DPYS: variants seen among roughly 807,000 people sequenced by gnomAD.
The protein encoded by DPYS is dihydropyrimidinase, also known as dihydropyrimidine amidohydrolase.
Under a neutral mutation model 50.3 loss-of-function variants are expected in DPYS, and 39 were observed. The observed-to-expected ratio is 0.78, with a 90% CI of 0.60 to 1.01. The LOEUF is 1.01. DPYS is among the 50% of genes least tolerant of loss of function. The pLI, the probability that DPYS is intolerant of heterozygous loss-of-function variation, is 0.00. For missense variants in DPYS, 659 were observed against 680.9 expected (o/e 0.97, Z 0.36); for synonymous variants, 245 against 250.7 (o/e 0.98, Z 0.22).
At chr8:104,458,064 G>A (rs1449909061) in intron 1 of DPYS, among the ~76,000 whole-genome samples, 1 of 152,218 alleles carries the variant, frequency 6.6e-6, no homozygotes, top group East Asian at 1.9e-4. Context: ...AAGGAAGAGG[G>A]CCATAAAGAG....
At chr8:104,462,283 G>C (rs1465309607) in intron 1 of DPYS, among the ~76,000 whole-genome samples, 1 of 152,114 alleles carries the variant, frequency 6.6e-6, no homozygotes, top group Non-Finnish European at 1.5e-5. Flanking sequence ...GCCCAGCCGG[G>C]AGCTCTGGCA....
intron 8 of DPYS, among the ~76,000 whole-genome samples, chr8:104,386,448 G>C (rs1013462450): frequency 1.3e-5 from 2 of 151,410 alleles, no homozygotes; most frequent in African/African-American, 4.9e-5. Context: ...CAGGAGAATT[G>C]CTTGAACCCA....
At chr8:104,415,010 G>C (rs1317272536) in intron 7 of DPYS, among the ~76,000 whole-genome samples, 1 of 152,202 alleles carries the variant, frequency 6.6e-6, no homozygotes, top group Non-Finnish European at 1.5e-5. Flanking sequence ...AAGGGGGGAA[G>C]AATGTAAAAC....
At chr8:104,381,852 T>TCACACACACACACACACACACACACA (rs59581374) in intron 8 of DPYS, among the ~76,000 whole-genome samples, 40 of 123,950 alleles carry the variant, frequency 3.2e-4, no homozygotes, top group African/African-American at 8.3e-4. Flanking sequence ...AGTTTTGAAA[T>TCACACACACACACACACACACACACA]CACACACACA....
chr8:104,438,504 C>T (rs1271497851), intron 4 of DPYS, among the ~76,000 whole-genome samples: 1 of 152,158 alleles, frequency 6.6e-6, no homozygotes, highest in Non-Finnish European at 1.5e-5. Context: ...TTGGAAATTG[C>T]TTCTCTGAGA....
intron 5 of DPYS, chr8:104,429,340 G>C (rs1349314666): frequency 2.7e-5 from 16 of 600,848 alleles, no homozygotes; most frequent in African/African-American, 5.6e-5. Flanking sequence ...TGATTTCTGA[G>C]AGTCTAGGAA....
intron 7 of DPYS, among the ~76,000 whole-genome samples, chr8:104,401,151 A>G (rs1215988175): frequency 2.6e-5 from 4 of 152,220 alleles, no homozygotes; most frequent in Admixed American, 6.5e-5. Context: ...ATGAGAAACA[A>G]AAAAAGTTAA....
At chr8:104,426,761 T>C (rs942857683) in intron 6 of DPYS, among the ~76,000 whole-genome samples, 3 of 152,258 alleles carry the variant, frequency 2.0e-5, no homozygotes, top group African/African-American at 7.2e-5. Flanking sequence ...AGTTAACACA[T>C]AGACATTTAG....
chr8:104,462,012 T>G (rs1032689566), intron 1 of DPYS, among the ~76,000 whole-genome samples: 1 of 152,196 alleles, frequency 6.6e-6, no homozygotes, highest in Non-Finnish European at 1.5e-5. Context: ...ATTTAAATAT[T>G]ATTTTTCTTT....
In DPYS at chr8:104,447,378, C is replaced by T. The variant is rs769977485; in HGVS notation, c.549G>A (p.Lys183=). ...LELYEAFSRC[K]EIGAIAQVHA... ...GGACCTGGGCAATTGCTCCAATTTC[C>T]TTGCACCGAGAGAAGGCTTCGTACA... The change falls in exon 3 of 10, where the codon AAG becomes AAA. Residue 183 remains lysine, a synonymous_variant. Transcript: ENST00000351513. 6.2e-7 allele frequency: 1 copy of T among 1,614,076 alleles called. No homozygotes were observed. Among genetic ancestry groups the T allele is most frequent in the Non-Finnish European group, 8.5e-7 (1 of 1,180,012 alleles).
intron 6 of DPYS, among the ~76,000 whole-genome samples, chr8:104,424,929 C>A (rs1348834744): frequency 1.3e-5 from 2 of 148,656 alleles, no homozygotes; most frequent in Non-Finnish European, 3.0e-5. Flanking sequence ...CAGGTTCAAG[C>A]GATTCTCCTG....
chr8:104,418,972 A>G, intron 7 of DPYS: 1 of 981,478 alleles, frequency 1.0e-6, no homozygotes, highest in Non-Finnish European at 1.2e-6. Context: ...GAATTTGTGA[A>G]TGAAGGAACA....
chr8:104,423,976 G>A, intron 7 of DPYS: 1 of 985,122 alleles, frequency 1.0e-6, no homozygotes, highest in Non-Finnish European at 1.2e-6. Flanking sequence ...TCGGGCATTT[G>A]CCAGGCACTG....
chr8:104,379,653 C>T lies in DPYS; in HGVS notation c.*205G>A, dbSNP rs146388435. ...CCATCACAATAATATAAATTTATAC[C>T]TTCAATCTTATGCAGCAACAAAAAC... On this transcript the variant is annotated 3_prime_UTR_variant, in exon 10 of 10. Coordinates refer to ENST00000351513, the MANE Select transcript of DPYS (RefSeq NM_001385.3). 158 of 330,714 alleles carry T rather than the reference C, an allele frequency of 4.8e-4. 1 individual carries two copies. The highest frequency in any genetic ancestry group is 8.6e-4 in the Non-Finnish European group (142 of 165,096). The allele number at this position is 330,714 out of a possible 1,614,324, so 20.5% of individuals were successfully genotyped here. A position where few individuals can be genotyped will look rare whatever the true frequency, so the allele number is the denominator to read the frequency against.
At chr8:104,382,867 CCTAA>C (rs1811102758) in intron 8 of DPYS, among the ~76,000 whole-genome samples, 1 of 152,166 alleles carries the variant, frequency 6.6e-6, no homozygotes, top group African/African-American at 2.4e-5. Flanking sequence ...GAGCATGTGA[CCTAA>C]CTGAGCAGAC....
chr8:104,380,919 A>C, intron 9 of DPYS: 1 of 392,952 alleles, frequency 2.5e-6, no homozygotes, highest in South Asian at 2.5e-5. Context: ...TCCTTAGTGC[A>C]ACTTGCTCAT....
chr8:104,422,178 C>T (rs1171997466), intron 7 of DPYS, among the ~76,000 whole-genome samples: 1 of 152,166 alleles, frequency 6.6e-6, no homozygotes, highest in Non-Finnish European at 1.5e-5. Context: ...CATCAAATGG[C>T]CTCCTGAGAT....
chr8:104,389,371 T>C (rs536267759), intron 8 of DPYS, among the ~76,000 whole-genome samples: 58 of 152,320 alleles, frequency 3.8e-4, no homozygotes, highest in African/African-American at 1.3e-3. Flanking sequence ...TCATGTGATA[T>C]TTTTATCCTG....
intron 7 of DPYS, among the ~76,000 whole-genome samples, chr8:104,412,848 A>C (rs893309849): frequency 6.6e-6 from 1 of 152,196 alleles, no homozygotes; most frequent in Non-Finnish European, 1.5e-5. Flanking sequence ...GATTATGCCT[A>C]ATCACTTTGT....
Sources: allele counts gnomAD v4.1 joint callset (sites outside exome capture counted in the v4.1 genomes callset), GRCh38; gene constraint gnomAD v4.1.1; transcripts MANE v1.5; gene names NCBI Gene and HGNC (gene_info 2026-07-23, HGNC 2026-07-21).